Variants in CELF2 observed in about 807,000 individuals in gnomAD.
The protein encoded by CELF2 is CUG triplet repeat RNA-binding protein 2.
In CELF2, 8 loss-of-function variants were observed where a neutral mutation model predicts 62.6. The observed-to-expected ratio is 0.13, with a 90% confidence interval of 0.07 to 0.23. CELF2 has a LOEUF of 0.23. Among genes scored for constraint, CELF2 ranks in the 10% least tolerant of loss-of-function variants. CELF2 has a pLI of 1.00. For missense variants in CELF2, 333 were observed against 671.0 expected (o/e 0.50, Z 5.56); for synonymous variants, 258 against 250.0 (o/e 1.03, Z -0.30).
chr10:10,922,609 A>G (rs888042447), intron 2 of CELF2: 2 of 152,216 alleles, frequency 1.3e-5, no homozygotes, highest in Non-Finnish European at 2.9e-5. Flanking sequence ...GATCTTTTGT[A>G]GCTGGTTTAT....
intron 1 of CELF2, among the ~76,000 whole-genome samples, chr10:10,836,548 C>T (rs961514266): frequency 3.9e-5 from 6 of 152,238 alleles, no homozygotes; most frequent in African/African-American, 9.6e-5. Context: ...AGGCGAATCA[C>T]TACTTAAAAT....
intron 1 of CELF2, among the ~76,000 whole-genome samples, chr10:10,877,270 A>T (rs572987068): frequency 3.3e-5 from 5 of 152,358 alleles, no homozygotes; most frequent in African/African-American, 1.2e-4. Flanking sequence ...GGTCAAGGAC[A>T]CACCCGTGAC....
the CELF2 span, among the ~76,000 whole-genome samples, chr10:10,487,741 C>T: frequency 6.6e-6 from 1 of 152,002 alleles, no homozygotes; most frequent in African/African-American, 2.4e-5. Flanking sequence ...CACATTTATA[C>T]CAAATTAATG....
At chr10:10,504,562 A>T in the CELF2 span, among the ~76,000 whole-genome samples, 1 of 152,060 alleles carries the variant, frequency 6.6e-6, no homozygotes, top group Non-Finnish European at 1.5e-5. Context: ...CTGTAGGTTT[A>T]TGTCTCTTAA....
chr10:10,669,621 AG>A, the CELF2 span, among the ~76,000 whole-genome samples: 3 of 152,242 alleles, frequency 2.0e-5, no homozygotes, highest in African/African-American at 7.2e-5. Context: ...AGGGGATAAA[AG>A]CCTACAGGTC....
the CELF2 span, among the ~76,000 whole-genome samples, chr10:10,711,525 G>C: frequency 6.6e-6 from 1 of 152,142 alleles, no homozygotes; most frequent in Non-Finnish European, 1.5e-5. Flanking sequence ...GTGACCTGGA[G>C]CAATTGCCCC....
chr10:10,482,749 T>G, the CELF2 span, among the ~76,000 whole-genome samples: 1 of 152,180 alleles, frequency 6.6e-6, no homozygotes, highest in African/African-American at 2.4e-5. Flanking sequence ...ACCTGCCCTG[T>G]ACAAACCAAC....
the CELF2 span, among the ~76,000 whole-genome samples, chr10:10,790,820 G>T: frequency 1.5e-4 from 23 of 152,224 alleles, no homozygotes; most frequent in Admixed American, 9.8e-4. Flanking sequence ...TGATTCTAAA[G>T]ATGCTTTATT....
At chr10:10,887,324 C>T (rs1399050551) in intron 1 of CELF2, among the ~76,000 whole-genome samples, 1 of 152,168 alleles carries the variant, frequency 6.6e-6, no homozygotes, top group Non-Finnish European at 1.5e-5. Flanking sequence ...ATTAATAGGA[C>T]TCTTTCACCA....
the CELF2 span, among the ~76,000 whole-genome samples, chr10:10,509,781 C>G: frequency 1.3e-5 from 2 of 152,102 alleles, no homozygotes; most frequent in African/African-American, 4.8e-5. Context: ...TTGTGGAAAA[C>G]TGAAAAAGGG....
intron 8 of CELF2, among the ~76,000 whole-genome samples, chr10:11,281,519 G>A (rs1239805007): frequency 1.3e-5 from 2 of 152,156 alleles, no homozygotes; most frequent in Non-Finnish European, 2.9e-5. Flanking sequence ...CAGCACTTTG[G>A]GAGGCAGAAG....
At chr10:11,047,403 A>C (rs1051391822) in intron 1 of CELF2, among the ~76,000 whole-genome samples, 2 of 152,158 alleles carry the variant, frequency 1.3e-5, no homozygotes, top group African/African-American at 4.8e-5. Context: ...TTTAAGCAAA[A>C]TAAACAGGTA....
intron 5 of CELF2, among the ~76,000 whole-genome samples, chr10:11,262,393 T>C (rs576782007): frequency 3.3e-5 from 5 of 152,290 alleles, no homozygotes; most frequent in East Asian, 1.9e-4. Context: ...ACAACAAGCA[T>C]GTACACAGAA....
At chr10:10,829,766 G>A (rs1000826784) in intron 1 of CELF2, among the ~76,000 whole-genome samples, 1 of 152,160 alleles carries the variant, frequency 6.6e-6, no homozygotes, top group Non-Finnish European at 1.5e-5. Flanking sequence ...AGGATGGGGT[G>A]ACTGGGACAC....
chr10:10,923,924 T>C (rs1009324077), intron 2 of CELF2: 6 of 152,194 alleles, frequency 3.9e-5, no homozygotes, highest in African/African-American at 1.4e-4. Context: ...TCTGAGCAGT[T>C]GTTTTCCCCG....
At chr10:10,666,161 C>A in the CELF2 span, among the ~76,000 whole-genome samples, 1 of 152,192 alleles carries the variant, frequency 6.6e-6, no homozygotes, top group Non-Finnish European at 1.5e-5. Context: ...AAATTTCATT[C>A]TTTCCATTCA....
chr10:10,973,323 A>G (rs963253177), intron 2 of CELF2, among the ~76,000 whole-genome samples: 3 of 152,038 alleles, frequency 2.0e-5, no homozygotes, highest in Admixed American at 2.0e-4. Flanking sequence ...GGGCAGCAGC[A>G]CATACTCTTA....
chr10:11,137,668 CAGTT>C (rs147169094), intron 1 of CELF2, among the ~76,000 whole-genome samples: 1,760 of 152,292 alleles, frequency 0.012, 28 homozygotes, highest in African/African-American at 0.04. Flanking sequence ...ATCATTTTCT[CAGTT>C]AGTTAAAAGA....
chr10:10,775,431 AC>A, the CELF2 span, among the ~76,000 whole-genome samples: 1 of 151,906 alleles, frequency 6.6e-6, no homozygotes, highest in Admixed American at 6.6e-5. Context: ...GGAATTTGAG[AC>A]CAGCCTGGCC....
Sources: gnomAD v4.1 joint callset for allele counts (sites outside exome capture counted in the v4.1 genomes callset) on GRCh38, gnomAD v4.1.1 for gene constraint, MANE v1.5 for transcripts, NCBI Gene and HGNC (gene_info 2026-07-23, HGNC 2026-07-21) for gene names.